SPOCK1: variants seen among roughly 807,000 people sequenced by gnomAD.
The protein encoded by SPOCK1 is SPARC (osteonectin), cwcv and kazal like domains proteoglycan 1, also known as testican-1.
In SPOCK1, 23 loss-of-function variants were observed where a neutral mutation model predicts 55.3. The observed-to-expected ratio is 0.42, with a 90% CI of 0.30 to 0.59. SPOCK1 has a LOEUF of 0.59. Ranked by LOEUF, SPOCK1 falls within the 20% of genes least tolerant of loss-of-function variation. The pLI is 0.22. For missense variants in SPOCK1, 499 were observed against 552.5 expected (o/e 0.90, Z 0.97); for synonymous variants, 226 against 221.0 (o/e 1.02, Z -0.20).
intron 4 of SPOCK1, among the ~76,000 whole-genome samples, chr5:137,126,927 C>T (rs1035571209): frequency 7.2e-5 from 11 of 152,196 alleles, no homozygotes; most frequent in African/African-American, 2.7e-4. Context: ...GGCCTGGCTC[C>T]TCCTGATTGC....
intron 2 of SPOCK1, among the ~76,000 whole-genome samples, chr5:137,328,927 T>G (rs913720341): frequency 6.6e-6 from 1 of 152,208 alleles, no homozygotes; most frequent in Admixed American, 6.5e-5. Context: ...CTGGCACACT[T>G]TCACCACCCC....
chr5:137,089,522 C>T (rs999526413), intron 5 of SPOCK1, among the ~76,000 whole-genome samples: 5 of 152,194 alleles, frequency 3.3e-5, no homozygotes, highest in African/African-American at 1.2e-4. Flanking sequence ...CTTCTCTGTA[C>T]CTAGGACCTG....
At chr5:137,110,126 T>A (rs1486124555) in intron 5 of SPOCK1, among the ~76,000 whole-genome samples, 2 of 152,178 alleles carry the variant, frequency 1.3e-5, no homozygotes, top group African/African-American at 4.8e-5. Flanking sequence ...GAGGGCCCCA[T>A]TAGTAACGAT....
intron 6 of SPOCK1, among the ~76,000 whole-genome samples, chr5:137,007,205 C>T (rs1018783602): frequency 1.3e-5 from 2 of 152,042 alleles, no homozygotes; most frequent in African/African-American, 4.8e-5. Flanking sequence ...AAAACCTAGG[C>T]AATACCATTC....
chr5:137,246,614 T>A (rs1477289030), intron 3 of SPOCK1, among the ~76,000 whole-genome samples: 7 of 152,214 alleles, frequency 4.6e-5, no homozygotes, highest in Non-Finnish European at 1.5e-5. Flanking sequence ...TTTGTAATGA[T>A]AGACTCTAAA....
chr5:137,487,504 T>C (rs1397612084), intron 2 of SPOCK1, among the ~76,000 whole-genome samples: 4 of 152,206 alleles, frequency 2.6e-5, no homozygotes, highest in South Asian at 4.1e-4. Context: ...CTTTATTACA[T>C]CCACCATTCC....
intron 3 of SPOCK1, among the ~76,000 whole-genome samples, chr5:137,194,155 G>T (rs1377273146): frequency 6.6e-6 from 1 of 152,188 alleles, no homozygotes; most frequent in Non-Finnish European, 1.5e-5. Flanking sequence ...TGGGCTGCTG[G>T]CAGAAGGCAG....
intron 2 of SPOCK1, among the ~76,000 whole-genome samples, chr5:137,407,552 A>G (rs1452295798): frequency 1.3e-5 from 2 of 152,176 alleles, no homozygotes; most frequent in Admixed American, 1.3e-4. Flanking sequence ...GCCTGAGCCC[A>G]TATTCCCTTC....
chr5:137,438,025 T>C (rs183674675), intron 2 of SPOCK1, among the ~76,000 whole-genome samples: 91 of 152,356 alleles, frequency 6.0e-4, no homozygotes, highest in African/African-American at 1.9e-3. Context: ...TGTCTGTTTG[T>C]GACTGGCTCA....
At chr5:137,036,968 G>GGA (rs145813483) in intron 6 of SPOCK1, among the ~76,000 whole-genome samples, 1,701 of 152,084 alleles carry the variant, frequency 0.011, 13 homozygotes, top group Middle Eastern at 0.041. Flanking sequence ...GGCAGCCCTG[G>GGA]GAGAGAGAGA....
At chr5:137,280,963 G>A (rs1316886061) in intron 2 of SPOCK1, among the ~76,000 whole-genome samples, 3 of 152,202 alleles carry the variant, frequency 2.0e-5, no homozygotes, top group South Asian at 2.1e-4. Context: ...ATGACCCACT[G>A]TAAGAAGAAG....
chr5:137,396,144 G>A (rs915006535), intron 2 of SPOCK1, among the ~76,000 whole-genome samples: 29 of 152,124 alleles, frequency 1.9e-4, no homozygotes, highest in Non-Finnish European at 4.1e-4. Flanking sequence ...TGGATTTGGG[G>A]TTCCTCACTG....
chr5:137,389,123 A>G (rs1445464020), intron 2 of SPOCK1, among the ~76,000 whole-genome samples: 2 of 152,206 alleles, frequency 1.3e-5, no homozygotes, highest in Non-Finnish European at 2.9e-5. Context: ...GATAATCCAA[A>G]TAAGACACAT....
chr5:137,359,568 T>C (rs1477549085), intron 2 of SPOCK1, among the ~76,000 whole-genome samples: 1 of 152,232 alleles, frequency 6.6e-6, no homozygotes, highest in Admixed American at 6.5e-5. Context: ...CCCTGCAGGA[T>C]AGTGCTAACT....
At chr5:137,258,325 G>T (rs906046603) in intron 3 of SPOCK1, among the ~76,000 whole-genome samples, 1 of 152,166 alleles carries the variant, frequency 6.6e-6, no homozygotes, top group African/African-American at 2.4e-5. Context: ...GGTTTCTGGG[G>T]CAGAATGAAC....
chr5:137,257,385 C>T (rs1756657268), intron 3 of SPOCK1, among the ~76,000 whole-genome samples: 1 of 152,114 alleles, frequency 6.6e-6, no homozygotes, highest in South Asian at 2.1e-4. Context: ...AGGGTGAACC[C>T]TCTTGGATGT....
intron 3 of SPOCK1, among the ~76,000 whole-genome samples, chr5:137,166,996 T>G (rs1262917601): frequency 6.6e-6 from 1 of 151,976 alleles, no homozygotes; most frequent in Admixed American, 6.6e-5. Flanking sequence ...GTAAGTGGAC[T>G]AAACTCTCCA....
At chr5:137,232,012 A>G (rs1272541786) in intron 3 of SPOCK1, among the ~76,000 whole-genome samples, 1 of 152,146 alleles carries the variant, frequency 6.6e-6, no homozygotes, top group Non-Finnish European at 1.5e-5. Flanking sequence ...CTCCTTGGTG[A>G]ATGTCTCTTC....
intron 3 of SPOCK1, among the ~76,000 whole-genome samples, chr5:137,146,846 T>C (rs963125996): frequency 1.3e-5 from 2 of 152,184 alleles, no homozygotes; most frequent in African/African-American, 4.8e-5. Context: ...CTATTAGACA[T>C]GTGCCTGGAT....
Sources: gnomAD v4.1 joint callset for allele counts (sites outside exome capture counted in the v4.1 genomes callset) on GRCh38, gnomAD v4.1.1 for gene constraint, MANE v1.5 for transcripts, NCBI Gene and HGNC (gene_info 2026-07-23, HGNC 2026-07-21) for gene names.